CDC37L1: variants seen among roughly 807,000 people sequenced by gnomAD.
CDC37L1 encodes hsp90 co-chaperone Cdc37-like 1.
Under a neutral mutation model 45.9 loss-of-function variants are expected in CDC37L1, and 32 were observed. The ratio of observed to expected loss-of-function variants is 0.70; its 90% CI spans 0.53 to 0.94. CDC37L1 has a LOEUF of 0.94. Ranked by LOEUF, CDC37L1 falls within the 40% of genes least tolerant of loss-of-function variation. The pLI, the probability that CDC37L1 is intolerant of heterozygous loss-of-function variation, is 0.00. For missense variants in CDC37L1, 434 were observed against 405.7 expected, an observed-to-expected ratio of 1.07 and a Z score of -0.60; for synonymous variants, 150 against 133.0, an observed-to-expected ratio of 1.13 and a Z score of -0.88.
At chr9:4,694,591 G>A (rs903155259) in intron 3 of CDC37L1, among the ~76,000 whole-genome samples, 5 of 152,116 alleles carry the variant, frequency 3.3e-5, no homozygotes, top group Admixed American at 6.5e-5. Context: ...ATTAACATTT[G>A]GCAGGGAGTG....
rs1587626146 is a variant in CDC37L1 at position 4,706,296 on chromosome 9, T to C, written c.*184T>C. The C allele has an allele frequency of 4.8e-6, 2 of 419,784 alleles. No homozygotes were observed. The highest frequency in any genetic ancestry group is 6.9e-5 in the East Asian group (2 of 29,188). 26.0% of individuals were successfully genotyped at this position (419,784 alleles called of 1,614,324 possible). A position where few individuals can be genotyped will look rare whatever the true frequency, so the allele number is the denominator to read the frequency against. On this transcript the variant is annotated 3_prime_UTR_variant, in exon 7 of 7. Coordinates refer to ENST00000381854, the MANE Select transcript of CDC37L1 (RefSeq NM_017913.4). ...CTGCTAGGTTTTTTGTTTTGTTTTGTTCTGAAGAGAAGAGTGGTACCATAT... is the reference window on the plus strand; with the variant it reads ...CTGCTAGGTTTTTTGTTTTGTTTTGCTCTGAAGAGAAGAGTGGTACCATAT...
chr9:4,683,050 T>A (rs1297114252), intron 1 of CDC37L1, among the ~76,000 whole-genome samples: 2 of 144,244 alleles, frequency 1.4e-5, no homozygotes, highest in African/African-American at 2.5e-5. Flanking sequence ...AAATATATTT[T>A]AAAATATATT....
chr9:4,683,256 A>C (rs1181114016), intron 1 of CDC37L1, among the ~76,000 whole-genome samples: 1 of 151,650 alleles, frequency 6.6e-6, no homozygotes, highest in Non-Finnish European at 1.5e-5. Context: ...TCCCAGTACA[A>C]ACGTGAGTTT....
intron 4 of CDC37L1, 53 bp from the exon 5 acceptor site, chr9:4,697,704 C>A: frequency 3.5e-6 from 3 of 856,476 alleles, no homozygotes; most frequent in Non-Finnish European, 5.4e-6. Flanking sequence ...AATCAGTATG[C>A]CAATTAAATA....
Position 4,708,391 on chromosome 9 carries a change from T to G in CDC37L1, c.*2279T>G, listed in dbSNP as rs566013860. 1 of 145,772 alleles carries G rather than the reference T, an allele frequency of 6.9e-6. No individual in the cohort carries two copies. The highest frequency in any genetic ancestry group is 1.5e-5 in the Non-Finnish European group (1 of 66,896). The allele number at this position is 145,772 out of a possible 1,614,324, so 9.0% of individuals were successfully genotyped here. A position where few individuals can be genotyped will look rare whatever the true frequency, so the allele number is the denominator to read the frequency against. ...ATTAATATTTGAATAAAAAAATTTT[T>G]AAATCAAATAGCTGTCCATTTATTC... On this transcript the variant is annotated 3_prime_UTR_variant, in exon 7 of 7. Coordinates refer to ENST00000381854, the MANE Select transcript of CDC37L1 (RefSeq NM_017913.4).
chr9:4,701,838 T>C, intron 5 of CDC37L1, 26 bp from the exon 6 acceptor site: 2 of 1,486,684 alleles, frequency 1.3e-6, no homozygotes, highest in East Asian at 2.4e-5. Flanking sequence ...GAACACAGTC[T>C]TTGTTTTTTT....
At chr9:4,690,821 C>T (rs972572625) in intron 3 of CDC37L1, among the ~76,000 whole-genome samples, 1 of 152,162 alleles carries the variant, frequency 6.6e-6, no homozygotes, top group African/African-American at 2.4e-5. Context: ...CACACTGGAT[C>T]CCCAGGAATG....
At chr9:4,705,251 C>T (rs552620938) in intron 6 of CDC37L1, among the ~76,000 whole-genome samples, 104 of 152,160 alleles carry the variant, frequency 6.8e-4, no homozygotes, top group Non-Finnish European at 6.2e-4. Context: ...AGCAGATATT[C>T]GGAACAATTG....
chr9:4,683,930 AG>A (rs1841221795), intron 1 of CDC37L1, among the ~76,000 whole-genome samples: 1 of 152,246 alleles, frequency 6.6e-6, no homozygotes, highest in Non-Finnish European at 1.5e-5. Context: ...AGTAAATAAA[AG>A]TAATTACTAC....
At chr9:4,698,816 A>G (rs897158374) in intron 5 of CDC37L1, among the ~76,000 whole-genome samples, 11 of 152,194 alleles carry the variant, frequency 7.2e-5, no homozygotes, top group Non-Finnish European at 2.9e-5. Context: ...GTAGTGTACA[A>G]TAGAGATTAA....
At chr9:4,689,052 A>G (rs1841277150) in intron 3 of CDC37L1, among the ~76,000 whole-genome samples, 1 of 152,206 alleles carries the variant, frequency 6.6e-6, no homozygotes, top group Admixed American at 6.5e-5. Context: ...ATAGAAATGT[A>G]TATATAAAGA....
intron 4 of CDC37L1, 130 bp from the exon 5 acceptor site, chr9:4,697,627 T>C (rs1254897286): frequency 1.8e-6 from 1 of 566,008 alleles, no homozygotes; most frequent in African/African-American, 1.9e-5. Flanking sequence ...TCTTTATATG[T>C]TTGTAAAGTA....
Position 4,706,277 on chromosome 9 carries a change from G to C in CDC37L1, c.*165G>C, listed in dbSNP as rs1587626134. On this transcript the variant is annotated 3_prime_UTR_variant, in exon 7 of 7. Transcript: ENST00000381854. ...GTAAATTTTTTTTAATGTGCTGCTA[G>C]GTTTTTTGTTTTGTTTTGTTCTGAA... is the stretch of plus-strand genomic sequence containing the variant. 2 of 439,860 alleles carry C rather than the reference G, an allele frequency of 4.5e-6. No individual in the cohort carries two copies. The highest frequency in any genetic ancestry group is 6.5e-5 in the East Asian group (2 of 30,714). The allele number at this position is 439,860 out of a possible 1,614,324, so 27.2% of individuals were successfully genotyped here.
intron 5 of CDC37L1, among the ~76,000 whole-genome samples, chr9:4,700,129 G>C (rs1841383535): frequency 6.6e-6 from 1 of 152,076 alleles, no homozygotes; most frequent in Non-Finnish European, 1.5e-5. Context: ...TGATATTTTA[G>C]CTAGGCTGCT....
At chr9:4,703,381 G>T (rs539813794) in intron 6 of CDC37L1, among the ~76,000 whole-genome samples, 1 of 150,086 alleles carries the variant, frequency 6.7e-6, no homozygotes, top group African/African-American at 2.4e-5. Context: ...AAGTCTCAAG[G>T]ATGGAAATAA....
intron 3 of CDC37L1, among the ~76,000 whole-genome samples, chr9:4,694,224 T>C (rs1841326311): frequency 6.8e-6 from 1 of 148,054 alleles, no homozygotes; most frequent in East Asian, 1.9e-4. Context: ...GGACTACAAG[T>C]GTACTCCGCC....
Position 4,685,115 on chromosome 9 carries a change from G to T in CDC37L1, c.371G>T (p.Cys124Phe). The change falls in exon 2 of 7, where the codon TGT (cysteine) becomes TTT (phenylalanine). Residue 124 changes from cysteine to phenylalanine, a missense_variant. Physicochemically the swap from Cys to Phe is radical, Grantham distance 205. Transcript: ENST00000381854. ...GCTCTAGTACAAAGAGAGAAGATGT[G>T]TCTGTGGAGCACGGATGCCATTAGC... ...EEALVQREKM[C>F]LWSTDAISKD... 6.2e-7 allele frequency: 1 copy of T among 1,613,906 alleles called. No individual in the cohort carries two copies. Among genetic ancestry groups the T allele is most frequent in the Non-Finnish European group, 8.5e-7 (1 of 1,179,792 alleles).
At chr9:4,680,670 C>T (rs1268405926) in intron 1 of CDC37L1, among the ~76,000 whole-genome samples, 1 of 152,184 alleles carries the variant, frequency 6.6e-6, no homozygotes, top group Non-Finnish European at 1.5e-5. Flanking sequence ...TACATACTCG[C>T]ATCACCTTGT....
intron 6 of CDC37L1, chr9:4,703,177 G>T (rs967980880): frequency 1.4e-6 from 2 of 1,434,606 alleles, no homozygotes; most frequent in African/African-American, 1.5e-5. Context: ...TGTGAGGAGA[G>T]TCCTATATTT....
Sources: gnomAD v4.1 joint callset for allele counts (sites outside exome capture counted in the v4.1 genomes callset) on GRCh38, gnomAD v4.1.1 for gene constraint, MANE v1.5 for transcripts, NCBI Gene and HGNC (gene_info 2026-07-23, HGNC 2026-07-21) for gene names.